The following CCSER1 variants were observed in gnomAD, a reference collection of about 807,000 sequenced individuals.
CCSER1 encodes the protein coiled-coil serine rich protein 1, also known as serine-rich coiled-coil domain-containing protein 1.
In CCSER1, 41 loss-of-function variants were observed where a neutral mutation model predicts 82.0. The ratio of observed to expected loss-of-function variants is 0.50; its 90% confidence interval spans 0.39 to 0.65. The LOEUF (loss-of-function observed/expected upper bound fraction) is 0.65. CCSER1 is among the 30% of genes least tolerant of loss of function. CCSER1 has a pLI of 0.00. For missense variants in CCSER1, 1,119 were observed against 1,064.2 expected (o/e 1.05, Z -0.72); for synonymous variants, 414 against 383.9 (o/e 1.08, Z -0.92).
chr4:91,018,112 T>A (rs1739600294), intron 9 of CCSER1, among the ~76,000 whole-genome samples: 1 of 152,100 alleles, frequency 6.6e-6, no homozygotes, highest in Non-Finnish European at 1.5e-5. Context: ...CTCTGGGAAA[T>A]CTCACTCATG....
At chr4:91,146,280 G>T (rs943010330) in intron 10 of CCSER1, among the ~76,000 whole-genome samples, 1 of 152,020 alleles carries the variant, frequency 6.6e-6, no homozygotes, top group Non-Finnish European at 1.5e-5. Flanking sequence ...AATTTCAGTG[G>T]GTTCCTTCTT....
chr4:90,328,807 A>G (rs1038135795), intron 3 of CCSER1, among the ~76,000 whole-genome samples: 4 of 152,128 alleles, frequency 2.6e-5, no homozygotes, highest in African/African-American at 9.7e-5. Context: ...CTCTGGTCCA[A>G]GAGGAGCTTG....
intron 5 of CCSER1, among the ~76,000 whole-genome samples, chr4:90,505,865 T>C (rs972515387): frequency 6.6e-6 from 1 of 152,208 alleles, no homozygotes; most frequent in Admixed American, 6.5e-5. Flanking sequence ...ATCAGTATGG[T>C]CTTGTAAAAC....
At chr4:90,769,473 A>C (rs7687119) in intron 7 of CCSER1, among the ~76,000 whole-genome samples, 1,616 of 152,330 alleles carry the variant, frequency 0.011, 30 homozygotes, top group African/African-American at 0.037. Context: ...ATGGAGAATT[A>C]TACAAAGTCT....
intron 5 of CCSER1, among the ~76,000 whole-genome samples, chr4:90,573,205 G>A (rs1405606570): frequency 1.3e-5 from 2 of 152,236 alleles, no homozygotes; most frequent in East Asian, 3.9e-4. Context: ...CACAGTGCTG[G>A]GATGTGCCTG....
chr4:90,135,877 T>C (rs1264240469), intron 1 of CCSER1, among the ~76,000 whole-genome samples: 2 of 152,246 alleles, frequency 1.3e-5, no homozygotes, highest in Non-Finnish European at 1.5e-5. Flanking sequence ...CAATAACTTA[T>C]GGTGTTTACT....
At chr4:90,373,176 G>A (rs1747735143) in intron 3 of CCSER1, among the ~76,000 whole-genome samples, 1 of 152,036 alleles carries the variant, frequency 6.6e-6, no homozygotes, top group African/African-American at 2.4e-5. Flanking sequence ...ATGTGTGTGT[G>A]CTTGTATGTT....
chr4:90,393,946 T>TA lies in CCSER1; in HGVS notation c.1510-6079dup, dbSNP rs528025023. On this transcript the variant is annotated intron_variant, in intron 3 of 10. Coordinates refer to ENST00000509176, the MANE Select transcript of CCSER1 (RefSeq NM_001145065.2). The stretch of plus-strand genomic sequence containing the variant: ...GCATGCACCACCATACTTGGCTAAT[T>TA]AAAAAAAAAAATTGCAGAGAGGGGG... 1.7e-3 allele frequency among the ~76,000 whole-genome samples: 254 copies of TA among 146,184 alleles called. 1 individual carries two copies. Among genetic ancestry groups the TA allele is most frequent in the African/African-American group, 4.8e-3 (193 of 40,086 alleles).
At chr4:91,144,416 A>T (rs1451587571) in intron 10 of CCSER1, among the ~76,000 whole-genome samples, 1 of 151,264 alleles carries the variant, frequency 6.6e-6, no homozygotes, top group Non-Finnish European at 1.5e-5. Context: ...ACCAATTTTT[A>T]TTTTTGTTGA....
chr4:90,625,348 T>A (rs1723072206), intron 5 of CCSER1, among the ~76,000 whole-genome samples: 1 of 152,186 alleles, frequency 6.6e-6, no homozygotes, highest in Non-Finnish European at 1.5e-5. Flanking sequence ...ACATTAATAT[T>A]CAATACATTG....
chr4:91,103,819 A>G lies in CCSER1; in HGVS notation c.2217+17825A>G, dbSNP rs145944036. ...GAATAACAGCGATTTTTAGGGAACA[A>G]GGAAAGACAACCATAAGGTGTGACT... On this transcript the variant is annotated intron_variant, in intron 10 of 10. Transcript: ENST00000509176. 5.2e-3 allele frequency among the ~76,000 whole-genome samples: 797 copies of G among 152,268 alleles called. 4 individuals carry two copies. Among genetic ancestry groups the G allele is most frequent in the African/African-American group, 0.018 (755 of 41,534 alleles).
intron 7 of CCSER1, among the ~76,000 whole-genome samples, chr4:90,795,075 G>A (rs940870710): frequency 6.6e-6 from 1 of 152,046 alleles, no homozygotes; most frequent in African/African-American, 2.4e-5. Flanking sequence ...CTGATCACAA[G>A]GTCAGGAGTT....
chr4:90,451,113 A>C (rs1761393449), intron 4 of CCSER1, among the ~76,000 whole-genome samples: 1 of 152,104 alleles, frequency 6.6e-6, no homozygotes, highest in Admixed American at 6.5e-5. Context: ...CACAGTGAAG[A>C]TAGTATTGTA....
chr4:91,544,406 G>A (rs1178291800), intron 10 of CCSER1, among the ~76,000 whole-genome samples: 3 of 152,126 alleles, frequency 2.0e-5, no homozygotes, highest in African/African-American at 7.2e-5. Flanking sequence ...AGAATTTTCA[G>A]CTTTTCTGCT....
intron 10 of CCSER1, among the ~76,000 whole-genome samples, chr4:91,316,813 G>A (rs1274542555): frequency 6.6e-6 from 1 of 151,888 alleles, no homozygotes; most frequent in Non-Finnish European, 1.5e-5. Context: ...ATCTCCTTCA[G>A]TGTAAAATAT....
At chr4:90,936,124 CA>C (rs1348887786) in intron 9 of CCSER1, among the ~76,000 whole-genome samples, 30 of 151,006 alleles carry the variant, frequency 2.0e-4, no homozygotes, top group African/African-American at 3.9e-4. Flanking sequence ...TACTTTCTTA[CA>C]AAATAAAATA....
chr4:91,084,140 C>G (rs569454340), intron 9 of CCSER1, among the ~76,000 whole-genome samples: 1 of 152,038 alleles, frequency 6.6e-6, no homozygotes, highest in Non-Finnish European at 1.5e-5. Flanking sequence ...CCTATTTGGC[C>G]AGGCTGGTCT....
intron 4 of CCSER1, among the ~76,000 whole-genome samples, chr4:90,401,022 G>C (rs990820648): frequency 3.9e-5 from 6 of 151,960 alleles, no homozygotes; most frequent in African/African-American, 1.4e-4. Flanking sequence ...ATTTTTAGTT[G>C]TAAAACTTTA....
intron 1 of CCSER1, among the ~76,000 whole-genome samples, chr4:90,288,260 C>G (rs1730267864): frequency 6.6e-6 from 1 of 151,894 alleles, no homozygotes; most frequent in African/African-American, 2.4e-5. Flanking sequence ...TAGTTATTCC[C>G]TTTACTCACA....
Sources: allele counts gnomAD v4.1 joint callset (sites outside exome capture counted in the v4.1 genomes callset), GRCh38; gene constraint gnomAD v4.1.1; transcripts MANE v1.5; gene names NCBI Gene and HGNC (gene_info 2026-07-23, HGNC 2026-07-21).